Variants in SPAG4 observed in about 807,000 individuals in gnomAD.
SPAG4 encodes sperm associated antigen 4, also known as sperm-associated antigen 4 protein.
In SPAG4, 54 loss-of-function variants were observed where a neutral mutation model predicts 53.9. That is an observed-to-expected ratio of 1.00 (90% CI 0.80 to 1.26). The LOEUF is 1.26. Ranked by LOEUF, SPAG4 falls within the 50% of genes most tolerant of loss-of-function variation. SPAG4 has a pLI of 0.00. For synonymous variants in SPAG4, 246 were observed against 237.4 expected (o/e 1.04, Z -0.33); for missense variants, 548 against 568.6 (o/e 0.96, Z 0.37).
chr20:35,617,612 C>G (rs1384123794), intron 3 of SPAG4, 26 bp downstream of exon 3: 2 of 1,608,522 alleles, frequency 1.2e-6, no homozygotes, highest in African/African-American at 2.7e-5. Flanking sequence ...GCTGGCGCCC[C>G]AGGAACAGCT....
intron 9 of SPAG4, 38 bp from the exon 10 acceptor site, chr20:35,619,541 T>C: frequency 6.3e-7 from 1 of 1,598,722 alleles, no homozygotes; most frequent in Non-Finnish European, 8.5e-7. Flanking sequence ...GCAGTCGCTC[T>C]GTCCGACGGT....
chr20:35,617,113 G>A (rs11698601), intron 1 of SPAG4, 23 bp from the exon 2 acceptor site: 255,333 of 1,510,094 alleles, frequency 0.17, 24,321 homozygotes, highest in South Asian at 0.34. Context: ...CAAGGCCCCA[G>A]TGGAGCCCTT....
In SPAG4 at chr20:35,617,144, G is replaced by C; in HGVS notation, c.313G>C (p.Gly105Arg). 3.2e-6 allele frequency: 5 copies of C among 1,585,408 alleles called. No homozygotes were observed. The highest frequency in any genetic ancestry group is 4.3e-6 in the Non-Finnish European group (5 of 1,165,192). The change falls in exon 2 of 12, where the codon GGG becomes CGG. Residue 105 changes from glycine to arginine, a missense_variant. Transcript: ENST00000374273. ...TVRGGASEPT[G>R]SPVVSEEPLD... The stretch of plus-strand genomic sequence containing the variant: ...CCCTTGGGTTCCCGCAGAACCGACT[G>C]GGTCTCCAGTAGTCTCTGAGGAGCC...
rs767850359 is a variant in SPAG4 at position 35,620,664 on chromosome 20, T to G, written c.1078-20T>G. ...CACCTGTCCCCCTCATAGTTCCTCC[T>G]TTCATTCTTCACCCACCAGGGCCTC... On this transcript the variant is annotated intron_variant, in intron 10 of 11. Transcript: ENST00000374273. 1.3e-6 allele frequency: 1 copy of G among 799,214 alleles called. No homozygotes were observed. The highest frequency in any genetic ancestry group is 5.8e-5 in the East Asian group (1 of 17,198). The allele number at this position is 799,214 out of a possible 1,614,324, so 49.5% of individuals were successfully genotyped here.
chr20:35,620,875 G>A lies in SPAG4; in HGVS notation c.1168-1G>A, dbSNP rs373639878. ...TTGGCATGATCCATTTGTCTCCCCA[G>A]AATGACCCCCCAGCTGCCTTTCCCA... is the stretch of plus-strand genomic sequence containing the variant. On this transcript the variant is annotated splice_acceptor_variant, in intron 11 of 11. Transcript: ENST00000374273. LOFTEE classifies it high-confidence loss of function. The A allele has an allele frequency of 6.2e-7, 1 of 1,613,944 alleles. No individual in the cohort carries two copies. The highest frequency in any genetic ancestry group is 8.5e-7 in the Non-Finnish European group (1 of 1,179,952).
Position 35,620,825 on chromosome 20 carries a change from G to T in SPAG4, c.1168-51G>T, listed in dbSNP as rs774359260. 3 of 1,612,894 alleles carry T rather than the reference G, an allele frequency of 1.9e-6. No individual in the cohort carries two copies. The African/African-American group carries it at 4.0e-5, about 22-fold the overall frequency. On this transcript the variant is annotated intron_variant, in intron 11 of 11. Transcript: ENST00000374273. ...CCAAGGGAGTGGGGCAGTGAGGGAT[G>T]AATGATCCAGGAGGAGGGCAGCCCT...
intron 10 of SPAG4, 125 bp from the exon 11 acceptor site, chr20:35,620,559 A>T: frequency 1.5e-6 from 1 of 674,214 alleles, no homozygotes; most frequent in South Asian, 1.7e-5. Context: ...ACCATCAAAA[A>T]ATACATGAGA....
intron 4 of SPAG4, 38 bp downstream of exon 4, chr20:35,617,878 G>C: frequency 6.2e-7 from 1 of 1,602,668 alleles, no homozygotes; most frequent in African/African-American, 1.3e-5. Flanking sequence ...CCTGCCCTGG[G>C]TGCTTTGGAG....
Position 35,617,585 on chromosome 20 carries a change from A to G in SPAG4, c.475A>G (p.Arg159Gly). The G allele has an allele frequency of 6.2e-7, 1 of 1,608,132 alleles. No homozygotes were observed. Among genetic ancestry groups the G allele is most frequent in the Non-Finnish European group, 8.5e-7 (1 of 1,177,090 alleles). The change falls in exon 3 of 12, where the codon AGG (arginine) becomes GGG (glycine). Residue 159 changes from arginine (R) to glycine (G), a missense_variant and splice_region_variant. Arg to Gly is a moderately radical substitution (Grantham distance 125, BLOSUM62 -2). Transcript: ENST00000374273. ...AGGAGACGTGCTGGTCAGCATGTAC[A>G]GGTCAGAGGAAGGGACGCTGGCGCC... ...LAGDVLVSMY[R>G]EVCSIRFLFT...
In SPAG4 at chr20:35,617,947, C is replaced by T. The variant is rs146814365; in HGVS notation, c.538+107C>T. On this transcript the variant is annotated intron_variant, in intron 4 of 11. Transcript: ENST00000374273. ...TCCTGCAGCTCCTGGCATTCCCCTG[C>T]AGAACCCCCTAATTCCCCCTCAGAC... is the stretch of plus-strand genomic sequence containing the variant. The T allele has an allele frequency of 2.0e-4, 282 of 1,383,290 alleles. No homozygotes were observed. The African/African-American group carries it at 3.5e-3, about 17-fold the overall frequency. 85.7% of individuals were successfully genotyped at this position (1,383,290 alleles called of 1,614,324 possible).
intron 5 of SPAG4, 103 bp downstream of exon 5, chr20:35,618,233 C>A: frequency 8.1e-7 from 1 of 1,232,420 alleles, no homozygotes; most frequent in Non-Finnish European, 1.2e-6. Context: ...GGGGTAGTGC[C>A]AGAGGCTACA....
At chr20:35,616,794 C>G (rs1311391913) in intron 1 of SPAG4, 8 of 280,926 alleles carry the variant, frequency 2.8e-5, no homozygotes, top group Admixed American at 4.9e-5. Context: ...CATGCCCGGC[C>G]AATTTTTGTG....
In SPAG4 at chr20:35,618,147, G is replaced by A. The variant is rs528254941; in HGVS notation, c.582+17G>A. 1.2e-6 allele frequency: 2 copies of A among 1,612,404 alleles called. No homozygotes were observed. Among genetic ancestry groups the A allele is most frequent in the South Asian group, 1.1e-5 (1 of 90,862 alleles). On this transcript the variant is annotated intron_variant, in intron 5 of 11. Transcript: ENST00000374273. ...TTGGAGAATGTGAGTTGGGGAGACT[G>A]TCTTGGGGTAGGGGGTTGGCAGGTT...
Position 35,620,957 on chromosome 20 carries a change from C to T in SPAG4, c.1249C>T (p.Arg417Ter), listed in dbSNP as rs1378030565. 7 of 1,614,184 alleles carry T rather than the reference C, an allele frequency of 4.3e-6. No homozygotes were observed. Among genetic ancestry groups the T allele is most frequent in the Non-Finnish European group, 5.1e-6 (6 of 1,180,034 alleles). ...CCACCCCCGTTTCACGTGCTTGTATCGAGTCCGTGCCCACGGTGTGCGAAC... is the reference window on the plus strand; with the variant it reads ...CCACCCCCGTTTCACGTGCTTGTATTGAGTCCGTGCCCACGGTGTGCGAAC... ...WGHPRFTCLYRVRAHGVRTSE... is the reference protein window; with the variant it reads ...WGHPRFTCLY Residue 417 changes from arginine to a stop codon, truncating the protein, a stop_gained, in exon 12 of 12, where the codon CGA becomes TGA. Transcript: ENST00000374273. LOFTEE classifies it high-confidence loss of function.
chr20:35,618,622 G>A lies in SPAG4; in HGVS notation c.619G>A (p.Glu207Lys), dbSNP rs759681856. ...KEMLTLSEYH[E>K]RVRSQGQQLQ... is the part of the protein sequence containing the mutation. ...ACCTCCCACCTCCAGTGAGTACCAC[G>A]AGCGCGTGCGCTCCCAGGGGCAGCA... The change falls in exon 7 of 12, where the codon GAG (glutamate) becomes AAG (lysine). Residue 207 changes from glutamate to lysine, a missense_variant. Coordinates refer to ENST00000374273, the MANE Select transcript of SPAG4 (RefSeq NM_003116.3). The A allele has an allele frequency of 6.3e-7, 1 of 1,599,250 alleles. No individual in the cohort carries two copies. The highest frequency in any genetic ancestry group is 1.1e-5 in the South Asian group (1 of 89,366).
intron 2 of SPAG4, 48 bp downstream of exon 2, chr20:35,617,288 C>T: frequency 7.5e-7 from 1 of 1,338,010 alleles, no homozygotes; most frequent in Non-Finnish European, 1.0e-6. Context: ...GGGTTCCCCT[C>T]TCCGAACTCC....
chr20:35,618,878 G>A, intron 7 of SPAG4, 45 bp from the exon 8 acceptor site: 1 of 1,580,818 alleles, frequency 6.3e-7, no homozygotes, highest in Non-Finnish European at 8.7e-7. Context: ...TGTAAAAGCA[G>A]CCCGCAAGCC....
Position 35,617,257 on chromosome 20 carries a change from C to T in SPAG4, c.409+17C>T. 4 of 1,530,338 alleles carry T rather than the reference C, an allele frequency of 2.6e-6. No homozygotes were observed. The highest frequency in any genetic ancestry group is 3.6e-6 in the Non-Finnish European group (4 of 1,119,092). 94.8% of individuals were successfully genotyped at this position (1,530,338 alleles called of 1,614,324 possible). On this transcript the variant is annotated intron_variant, in intron 2 of 11. Coordinates refer to ENST00000374273, the MANE Select transcript of SPAG4 (RefSeq NM_003116.3). The stretch of plus-strand genomic sequence containing the variant: ...GCTTTCTGAGTACGGGCCAGGCCAG[C>T]TGCGATCCCCTCTGACCCTCGGGTT...
At position 35,619,761 on chromosome 20, in the gene SPAG4, G is replaced by A. The variant is rs6060513; in HGVS notation, c.1077+15G>A. ...TCGCGGTCTTTGTGAGTGCGGACGA[G>A]GTCAGGAGGTGGGGGATTTTGCCTA... On this transcript the variant is annotated intron_variant, in intron 10 of 11. Transcript: ENST00000374273. 6.3e-7 allele frequency: 1 copy of A among 1,596,762 alleles called. No individual in the cohort carries two copies.
Sources: gnomAD v4.1 joint callset for allele counts on GRCh38, gnomAD v4.1.1 for gene constraint, MANE v1.5 for transcripts, NCBI Gene and HGNC (gene_info 2026-07-23, HGNC 2026-07-21) for gene names.